Variants in ACVRL1 observed in about 807,000 individuals in gnomAD.
ACVRL1 encodes activin receptor type-1-like.
Under a neutral mutation model 51.9 loss-of-function variants are expected in ACVRL1, and 20 were observed. The observed-to-expected ratio is 0.39, with a 90% CI of 0.27 to 0.56. The LOEUF (loss-of-function observed/expected upper bound fraction) is 0.56. Ranked by LOEUF, ACVRL1 falls within the 20% of genes least tolerant of loss-of-function variation. The probability of loss-of-function intolerance (pLI) is 0.67; values close to 1 mark genes in which losing one functional copy is unlikely to be tolerated. For missense variants in ACVRL1, 451 were observed against 670.3 expected (o/e 0.67, Z 3.61); for synonymous variants, 288 against 280.9 (o/e 1.03, Z -0.25).
chr12:51,916,459 T>C (rs1320651378), intron 8 of ACVRL1, among the ~76,000 whole-genome samples: 1 of 152,252 alleles, frequency 6.6e-6, no homozygotes, highest in African/African-American at 2.4e-5. Flanking sequence ...GGGTACATGA[T>C]AATAACAGAA....
chr12:51,908,752 C>T (rs749624716), intron 1 of ACVRL1, among the ~76,000 whole-genome samples: 6 of 152,176 alleles, frequency 3.9e-5, no homozygotes, highest in Non-Finnish European at 8.8e-5. Context: ...ATTATTCCCA[C>T]TTTACATATG....
chr12:51,919,662 G>A (rs1485781647), intron 9 of ACVRL1, among the ~76,000 whole-genome samples: 1 of 152,054 alleles, frequency 6.6e-6, no homozygotes, highest in Admixed American at 6.6e-5. Flanking sequence ...CAAAGTGTTG[G>A]GATTATAGGT....
rs1189671733 is a variant in ACVRL1 at position 51,907,788 on chromosome 12, A to G, written c.-6+93A>G. Reference sequence around the variant, plus strand: ...TTCGGGCGGACCCCAGAGTCACCGCAGAGTGGTCGCGGGAGGCTCAGTCCC... The same window carrying G: ...TTCGGGCGGACCCCAGAGTCACCGCGGAGTGGTCGCGGGAGGCTCAGTCCC... On this transcript the variant is annotated intron_variant, in intron 1 of 9. Transcript: ENST00000388922. This position sits in a 1 kb window ranked among gnomAD's most constrained non-coding sequence, Gnocchi z 4.5. 6.6e-6 allele frequency: 1 copy of G among 152,280 alleles called. No homozygotes were observed. Among genetic ancestry groups the G allele is most frequent in the African/African-American group, 2.4e-5 (1 of 41,476 alleles). The allele number at this position is 152,280 out of a possible 1,614,324, so 9.4% of individuals were successfully genotyped here.
chr12:51,910,457 A>G (rs902489708), intron 1 of ACVRL1, among the ~76,000 whole-genome samples: 3 of 152,216 alleles, frequency 2.0e-5, no homozygotes, highest in African/African-American at 7.2e-5. Context: ...AGTGAGGGTG[A>G]AACCAGTGAA....
At chr12:51,908,869 C>T (rs1480675371) in intron 1 of ACVRL1, among the ~76,000 whole-genome samples, 1 of 152,174 alleles carries the variant, frequency 6.6e-6, no homozygotes, top group Non-Finnish European at 1.5e-5. Context: ...GAGCCCACAC[C>T]CTAACCTCTG....
chr12:51,914,764 T>TAATTTAATTTAATTTAA (rs1940790746), intron 6 of ACVRL1, among the ~76,000 whole-genome samples, 179 bp downstream of exon 6: 1 of 150,934 alleles, frequency 6.6e-6, no homozygotes, highest in Non-Finnish European at 1.5e-5. Flanking sequence ...TAATTTAATT[T>TAATTTAATTTAATTTAA]TTGAGACAGG....
chr12:51,922,534 C>T lies in ACVRL1; in HGVS notation c.*1641C>T, dbSNP rs1266500421. ...AGAATTCAATGGCTCTAGAGAGACA[C>T]ACAGAAAGTTTGGCATTTGGAAATT... On this transcript the variant is annotated 3_prime_UTR_variant, in exon 10 of 10. Coordinates refer to ENST00000388922, the MANE Select transcript of ACVRL1 (RefSeq NM_000020.3). 2.6e-5 allele frequency: 4 copies of T among 152,316 alleles called. No homozygotes were observed. Among genetic ancestry groups the T allele is most frequent in the South Asian group, 2.1e-4 (1 of 4,832 alleles). 9.4% of individuals were successfully genotyped at this position (152,316 alleles called of 1,614,324 possible). A position where few individuals can be genotyped will look rare whatever the true frequency, so the allele number is the denominator to read the frequency against.
rs752825661 is a variant in ACVRL1, at chr12:51,922,774, G to C, written c.*1881G>C. ...CAGGGCAGTGAAGAAAGCTCTCCCC[G>C]CTCCTGCTGTAATGACCCAGAGTAG... On this transcript the variant is annotated 3_prime_UTR_variant, in exon 10 of 10. Coordinates refer to ENST00000388922, the MANE Select transcript of ACVRL1 (RefSeq NM_000020.3). 1.3e-5 allele frequency: 2 copies of C among 152,282 alleles called. No homozygotes were observed. The highest frequency in any genetic ancestry group is 2.4e-5 in the African/African-American group (1 of 41,422). 9.4% of individuals were successfully genotyped at this position (152,282 alleles called of 1,614,324 possible).
In ACVRL1 at chr12:51,914,500, G is replaced by A; in HGVS notation, c.687G>A (p.Lys229=). Residue 229 remains lysine (K), a synonymous_variant, in exon 6 of 10, where the codon AAG becomes AAA. Coordinates refer to ENST00000388922, the MANE Select transcript of ACVRL1 (RefSeq NM_000020.3). The part of the protein sequence containing the change: ...GLWHGESVAV[K]IFSSRDEQSW... ...GGCACGGTGAGAGTGTGGCCGTCAA[G>A]ATCTTCTCCTCGAGGGATGAACAGT... 6.2e-7 allele frequency: 1 copy of A among 1,614,148 alleles called. No individual in the cohort carries two copies. The highest frequency in any genetic ancestry group is 8.5e-7 in the Non-Finnish European group (1 of 1,180,014).
Position 51,915,432 on chromosome 12 carries a change from C to T in ACVRL1, c.980C>T (p.Ala327Val), listed in dbSNP as rs769850351. 2 of 1,613,704 alleles carry T rather than the reference C, an allele frequency of 1.2e-6. No individual in the cohort carries two copies. The highest frequency in any genetic ancestry group is 3.3e-5 in the Admixed American group (2 of 60,030). ...GGTACACAGGGCAAACCAGCCATTG[C>T]CCACCGCGACTTCAAGAGCCGCAAT... ...IFGTQGKPAIAHRDFKSRNVL... is the reference protein window; with the variant it reads ...IFGTQGKPAIVHRDFKSRNVL... The change falls in exon 7 of 10, where the codon GCC becomes GTC. Residue 327 changes from alanine to valine, a missense_variant. Ala to Val is a moderately conservative substitution (Grantham distance 64, BLOSUM62 0). Transcript: ENST00000388922.
chr12:51,908,803 A>G (rs1366683720), intron 1 of ACVRL1, among the ~76,000 whole-genome samples: 2 of 152,184 alleles, frequency 1.3e-5, no homozygotes, highest in Non-Finnish European at 2.9e-5. Context: ...TAACGTCTCA[A>G]ATTTCATACC....
chr12:51,913,409 C>T (rs1166837051), intron 3 of ACVRL1, 59 bp downstream of exon 3: 6 of 1,589,204 alleles, frequency 3.8e-6, no homozygotes, highest in Non-Finnish European at 4.3e-6. Context: ...CCTCCCTTCC[C>T]TCCTTTCCTC....
chr12:51,915,473 A>T lies in ACVRL1; in HGVS notation c.1021A>T (p.Asn341Tyr). The T allele has an allele frequency of 6.2e-7, 1 of 1,611,724 alleles. No homozygotes were observed. ...GAGCCGCAATGTGCTGGTCAAGAGC[A>T]ACCTGCAGTGTTGCATCGCCGACCT... The part of the protein sequence containing the change: ...FKSRNVLVKS[N>Y]LQCCIADLGL... Residue 341 changes from asparagine to tyrosine, a missense_variant, in exon 7 of 10, where the codon AAC becomes TAC. Around this residue, in one of 2 missense-constraint regions of ACVRL1, gnomAD observed 259 missense variants for 453.4 expected, o/e 0.57. Coordinates refer to ENST00000388922, the MANE Select transcript of ACVRL1 (RefSeq NM_000020.3).
At chr12:51,914,983 G>T (rs1036766037) in intron 6 of ACVRL1, among the ~76,000 whole-genome samples, 14 of 152,106 alleles carry the variant, frequency 9.2e-5, no homozygotes, top group Admixed American at 3.3e-4. Context: ...GGCTCAAGCA[G>T]TGCTCTTGCC....
chr12:51,918,568 C>T (rs1940896699), intron 8 of ACVRL1, among the ~76,000 whole-genome samples: 1 of 152,150 alleles, frequency 6.6e-6, no homozygotes, highest in African/African-American at 2.4e-5. Flanking sequence ...GGGTGGAAGG[C>T]AGCTGAGGGA....
intron 1 of ACVRL1, among the ~76,000 whole-genome samples, chr12:51,910,892 C>G (rs1235340171): frequency 6.6e-6 from 1 of 152,202 alleles, no homozygotes; most frequent in African/African-American, 2.4e-5. Context: ...AGAGGAAGCC[C>G]AGGCAGGAAG....
chr12:51,914,480 G>A lies in ACVRL1; in HGVS notation c.667G>A (p.Gly223Ser), dbSNP rs1940782114. Reference protein sequence around the residue: ...YGEVWRGLWHGESVAVKIFSS... With the variant: ...YGEVWRGLWHSESVAVKIFSS... ...CGAAGTGTGGCGGGGCTTGTGGCACGGTGAGAGTGTGGCCGTCAAGATCTT... is the reference window on the plus strand; with the variant it reads ...CGAAGTGTGGCGGGGCTTGTGGCACAGTGAGAGTGTGGCCGTCAAGATCTT... Residue 223 changes from glycine (G) to serine (S), a missense_variant, in exon 6 of 10, where the codon GGT becomes AGT. Physicochemically the swap from Gly to Ser is moderately conservative, Grantham distance 56 (BLOSUM62 0). This residue lies in a region of ACVRL1 where 259 missense variants were observed against 453.4 expected (regional missense o/e 0.57). Transcript: ENST00000388922. 2.5e-6 allele frequency: 4 copies of A among 1,614,162 alleles called. No individual in the cohort carries two copies. Among genetic ancestry groups the A allele is most frequent in the South Asian group, 1.1e-5 (1 of 91,078 alleles).
Position 51,912,506 on chromosome 12 carries a change from T to G in ACVRL1, c.32T>G (p.Leu11Arg), listed in dbSNP as rs759002043. The change falls in exon 2 of 10, where the codon CTG becomes CGG. Residue 11 changes from leucine to arginine, a missense_variant. Physicochemically the swap from Leu to Arg is moderately radical, Grantham distance 102 (BLOSUM62 -2). This residue lies in a region of ACVRL1 where 192 missense variants were observed against 216.9 expected (regional missense o/e 0.89). Transcript: ENST00000388922. MTLGSPRKGL[L>R]MLLMALVTQG... is the part of the protein sequence containing the mutation. ...TTGGGCTCCCCCAGGAAAGGCCTTC[T>G]GATGCTGCTGATGGCCTTGGTGACC... 1 of 1,614,034 alleles carries G rather than the reference T, an allele frequency of 6.2e-7. No homozygotes were observed. Among genetic ancestry groups the G allele is most frequent in the East Asian group, 2.2e-5 (1 of 44,882 alleles).
At chr12:51,911,477 C>T (rs1350686297) in intron 1 of ACVRL1, among the ~76,000 whole-genome samples, 1 of 152,180 alleles carries the variant, frequency 6.6e-6, no homozygotes, top group Non-Finnish European at 1.5e-5. Context: ...GGAACAGCTC[C>T]GAGAGGGCAG....
Sources: gnomAD v4.1 joint callset for allele counts (sites outside exome capture counted in the v4.1 genomes callset) on GRCh38, gnomAD v4.1.1 for gene constraint, gnomAD v4.1.1 regional missense constraint, Gnocchi (gnomAD v3.1) non-coding constraint, MANE v1.5 for transcripts, NCBI Gene and HGNC (gene_info 2026-07-23, HGNC 2026-07-21) for gene names.